Variants in NALF1 observed in about 807,000 individuals in gnomAD.
NALF1 encodes the protein NALCN channel auxiliary factor 1.
NALF1 carries 3 observed loss-of-function variants against 48.4 expected under a neutral mutation model. The ratio of observed to expected loss-of-function variants is 0.06; its 90% CI spans 0.03 to 0.16. The LOEUF is 0.16. Among genes scored for constraint, NALF1 ranks in the 10% least tolerant of loss-of-function variants. The pLI is 1.00. For missense variants in NALF1, 526 were observed against 571.5 expected, an observed-to-expected ratio of 0.92 and a Z score of 0.81; for synonymous variants, 262 against 245.7, an observed-to-expected ratio of 1.07 and a Z score of -0.62.
intron 1 of NALF1, among the ~76,000 whole-genome samples, chr13:107,299,368 C>T (rs9514651): frequency 0.18 from 26,828 of 150,850 alleles, 3,200 homozygotes; most frequent in Non-Finnish European, 0.26. Flanking sequence ...ACCCAGGAGG[C>T]GGAGGTAGCA....
chr13:107,505,065 AGAGAAAT>A (rs72064206), intron 1 of NALF1, among the ~76,000 whole-genome samples: 2,910 of 152,308 alleles, frequency 0.019, 86 homozygotes, highest in African/African-American at 0.065. Context: ...AAGGCTATGG[AGAGAAAT>A]TCCAGGGGCA....
chr13:107,287,799 A>T (rs1009547195), intron 1 of NALF1, among the ~76,000 whole-genome samples: 3 of 142,522 alleles, frequency 2.1e-5, no homozygotes, highest in African/African-American at 7.8e-5. Context: ...TCCACCTCCC[A>T]GGTTCAAATG....
intron 1 of NALF1, among the ~76,000 whole-genome samples, chr13:107,856,289 G>A (rs923589392): frequency 2.6e-5 from 4 of 152,176 alleles, no homozygotes; most frequent in African/African-American, 7.2e-5. Flanking sequence ...ATAACTGTGT[G>A]CAAAGAAGTG....
intron 1 of NALF1, among the ~76,000 whole-genome samples, chr13:107,576,307 T>G (rs1183903450): frequency 6.6e-6 from 1 of 152,222 alleles, no homozygotes; most frequent in Non-Finnish European, 1.5e-5. Context: ...CCTTCCCAGC[T>G]TTAAAATTCC....
chr13:107,593,305 A>G (rs932954362), intron 1 of NALF1, among the ~76,000 whole-genome samples: 4 of 151,926 alleles, frequency 2.6e-5, no homozygotes, highest in African/African-American at 7.2e-5. Flanking sequence ...GATGAAAATG[A>G]TATTAATATT....
At chr13:107,182,471 C>T (rs1322952285) in intron 2 of NALF1, among the ~76,000 whole-genome samples, 1 of 151,964 alleles carries the variant, frequency 6.6e-6, no homozygotes, top group African/African-American at 2.4e-5. Context: ...GTGGGGTCTA[C>T]GTTGCCCAGG....
chr13:107,773,726 T>G (rs1877645067), intron 1 of NALF1, among the ~76,000 whole-genome samples: 2 of 19,036 alleles, frequency 1.1e-4, no homozygotes, highest in African/African-American at 4.1e-4. Flanking sequence ...CCAGGGACTG[T>G]TGTGGGGTGG....
Position 107,786,831 on chromosome 13 carries a change from G to A in NALF1, c.915+78851C>T, listed in dbSNP as rs565768748. ...TCCTTCCAAGGCAATCACTTTTCTCGCCAAAATGACTATGAAACTCACTGA... is the reference window on the plus strand; with the variant it reads ...TCCTTCCAAGGCAATCACTTTTCTCACCAAAATGACTATGAAACTCACTGA... On this transcript the variant is annotated intron_variant, in intron 1 of 2. Coordinates refer to ENST00000375915, the MANE Select transcript of NALF1 (RefSeq NM_001080396.3). 1.2e-3 allele frequency among the ~76,000 whole-genome samples: 190 copies of A among 152,178 alleles called. 1 individual carries two copies. Among genetic ancestry groups the A allele is most frequent in the African/African-American group, 4.3e-3 (178 of 41,512 alleles).
intron 1 of NALF1, among the ~76,000 whole-genome samples, chr13:107,655,506 T>C (rs1034337563): frequency 3.3e-5 from 5 of 151,958 alleles, no homozygotes; most frequent in African/African-American, 4.8e-5. Flanking sequence ...AAAGAAATCA[T>C]AGACAACACA....
chr13:107,697,871 T>C (rs1373837472), intron 1 of NALF1, among the ~76,000 whole-genome samples: 1 of 152,160 alleles, frequency 6.6e-6, no homozygotes, highest in African/African-American at 2.4e-5. Flanking sequence ...ATCTTTAACA[T>C]AGTGGCAAAT....
At chr13:107,374,695 T>C (rs1022717499) in intron 1 of NALF1, among the ~76,000 whole-genome samples, 1 of 152,104 alleles carries the variant, frequency 6.6e-6, no homozygotes, top group Admixed American at 6.6e-5. Context: ...CGGGTTGTAA[T>C]GGCAGGTGTT....
At chr13:107,741,455 C>T (rs922724539) in intron 1 of NALF1, among the ~76,000 whole-genome samples, 2 of 152,134 alleles carry the variant, frequency 1.3e-5, no homozygotes, top group South Asian at 4.1e-4. Context: ...CTACTGAGTA[C>T]TTACCTTAAC....
intron 1 of NALF1, among the ~76,000 whole-genome samples, chr13:107,267,976 T>C (rs1395454556): frequency 7.2e-6 from 1 of 139,470 alleles, no homozygotes; most frequent in East Asian, 2.2e-4. Context: ...ATTGTTTTTT[T>C]CTGGAATTTT....
intron 1 of NALF1, among the ~76,000 whole-genome samples, chr13:107,238,102 A>C (rs1408173060): frequency 6.6e-6 from 1 of 152,198 alleles, no homozygotes; most frequent in Non-Finnish European, 1.5e-5. Context: ...AATAAGGCTC[A>C]GTTTTTAGGA....
At chr13:107,308,619 T>C (rs781160710) in intron 1 of NALF1, among the ~76,000 whole-genome samples, 1 of 152,194 alleles carries the variant, frequency 6.6e-6, no homozygotes, top group Non-Finnish European at 1.5e-5. Context: ...ACAAATAGAC[T>C]GTCTATGTTT....
At position 107,778,858 on chromosome 13, in the gene NALF1, A is replaced by C. The variant is rs575773876; in HGVS notation, c.915+86824T>G. ...CTGAAAACAGCCTGTGGCTCTCAAC[A>C]TCAGTTCTCACTATCCAACTATCAC... On this transcript the variant is annotated intron_variant, in intron 1 of 2. Coordinates refer to ENST00000375915, the MANE Select transcript of NALF1 (RefSeq NM_001080396.3). Among the ~76,000 whole-genome samples, 3 of 152,300 alleles carry C rather than the reference A, an allele frequency of 2.0e-5. No individual in the cohort carries two copies. In the South Asian group the frequency reaches 6.2e-4, roughly 32 times the overall value.
intron 1 of NALF1, among the ~76,000 whole-genome samples, chr13:107,242,128 G>A (rs913932267): frequency 6.6e-6 from 1 of 152,190 alleles, no homozygotes; most frequent in Non-Finnish European, 1.5e-5. Flanking sequence ...TGGATAACCT[G>A]TTTCCTATCC....
intron 1 of NALF1, among the ~76,000 whole-genome samples, chr13:107,674,769 G>A (rs1013095134): frequency 2.6e-5 from 4 of 152,186 alleles, no homozygotes; most frequent in Non-Finnish European, 5.9e-5. Flanking sequence ...CAAAAGCATA[G>A]AAGAGGAAGG....
intron 1 of NALF1, among the ~76,000 whole-genome samples, chr13:107,723,644 A>C (rs1195457715): frequency 6.6e-6 from 1 of 152,222 alleles, no homozygotes; most frequent in Non-Finnish European, 1.5e-5. Flanking sequence ...GAAGTGTTTG[A>C]TTCAACATAT....
Sources: gnomAD v4.1 joint callset for allele counts (sites outside exome capture counted in the v4.1 genomes callset) on GRCh38, gnomAD v4.1.1 for gene constraint, MANE v1.5 for transcripts, NCBI Gene and HGNC (gene_info 2026-07-23, HGNC 2026-07-21) for gene names.